DLC1: variants seen among roughly 807,000 people sequenced by gnomAD.
The protein encoded by DLC1 is rho GTPase-activating protein 7.
Under a neutral mutation model 140.3 loss-of-function variants are expected in DLC1, and 54 were observed. The ratio of observed to expected loss-of-function variants is 0.38; its 90% confidence interval spans 0.31 to 0.48. The LOEUF (loss-of-function observed/expected upper bound fraction) is 0.48. Among genes scored for constraint, DLC1 ranks in the 20% least tolerant of loss-of-function variants. The pLI is 0.96. For missense variants in DLC1, 2,536 were observed against 1,907.0 expected, an observed-to-expected ratio of 1.33 and a Z score of -6.14; for synonymous variants, 986 against 728.1, an observed-to-expected ratio of 1.35 and a Z score of -5.70.
At position 13,297,282 on chromosome 8, in the gene DLC1, T is replaced by TAAAAAAAAAAAAAAAAAAAACAAAAC. The variant is rs60048506; in HGVS notation, c.1348+7986_1348+7987insGTTTTGTTTTTTTTTTTTTTTTTTTT. On this transcript the variant is annotated intron_variant, in intron 5 of 17. Transcript: ENST00000276297. ...CAGGCAAGCAGAGGCCTTCATACAT[T>TAAAAAAAAAAAAAAAAAAAACAAAAC]AAAAAAAAAAAAAACTGAAGCAAGT... Among the ~76,000 whole-genome samples, 38 of 9,626 alleles carry TAAAAAAAAAAAAAAAAAAAACAAAAC rather than the reference T, an allele frequency of 3.9e-3. 2 individuals are homozygous for TAAAAAAAAAAAAAAAAAAAACAAAAC. The highest frequency in any genetic ancestry group is 0.013 in the African/African-American group (36 of 2,780). 6.3% of individuals were successfully genotyped at this position (9,626 alleles called of 152,430 possible).
At position 13,500,164 on chromosome 8, in the gene DLC1, C is replaced by T. The variant is rs1407731153; in HGVS notation, c.-93G>A. On this transcript the variant is annotated 5_prime_UTR_variant, in exon 2 of 18. Transcript: ENST00000276297. ...GAAAGATTATTTCAAAATCACCAAT[C>T]AAAGAAGCGAATGAGTTCTGTCATT... The T allele has an allele frequency of 1.7e-5, 20 of 1,185,658 alleles. No individual in the cohort carries two copies. In the East Asian group the frequency reaches 2.6e-4, roughly 15 times the overall value. 73.4% of individuals were successfully genotyped at this position (1,185,658 alleles called of 1,614,324 possible). A position where few individuals can be genotyped will look rare whatever the true frequency, so the allele number is the denominator to read the frequency against.
chr8:13,555,392 C>T (rs1176759516), intron 1 of DLC1, among the ~76,000 whole-genome samples: 1 of 152,094 alleles, frequency 6.6e-6, no homozygotes. Context: ...ATAGCCATAG[C>T]AACTTCAGGA....
intron 2 of DLC1, among the ~76,000 whole-genome samples, chr8:13,459,111 T>C (rs992512683): frequency 6.6e-6 from 1 of 152,244 alleles, no homozygotes; most frequent in African/African-American, 2.4e-5. Flanking sequence ...TTTGATTTTC[T>C]AAAAGCAGCA....
chr8:13,250,791 G>A (rs1018100684), intron 5 of DLC1, among the ~76,000 whole-genome samples: 3 of 152,124 alleles, frequency 2.0e-5, no homozygotes, highest in South Asian at 2.1e-4. Context: ...AAAAAATAAA[G>A]TACTTACTTT....
At chr8:13,562,810 A>G (rs1003998247) in intron 1 of DLC1, among the ~76,000 whole-genome samples, 1 of 152,194 alleles carries the variant, frequency 6.6e-6, no homozygotes, top group African/African-American at 2.4e-5. Flanking sequence ...AAAATACATT[A>G]CATTTCTACA....
intron 5 of DLC1, among the ~76,000 whole-genome samples, chr8:13,296,091 G>T (rs1456152342): frequency 6.6e-6 from 1 of 151,514 alleles, no homozygotes; most frequent in Non-Finnish European, 1.5e-5. Context: ...GAGTAGCTGG[G>T]ATCATAGGCA....
At chr8:13,476,551 G>A (rs1800443561) in intron 2 of DLC1, among the ~76,000 whole-genome samples, 1 of 151,994 alleles carries the variant, frequency 6.6e-6, no homozygotes. Flanking sequence ...GGGACGTGGG[G>A]AGCTAACCAG....
intron 5 of DLC1, among the ~76,000 whole-genome samples, chr8:13,278,303 C>G (rs900177269): frequency 2.0e-5 from 3 of 152,138 alleles, no homozygotes; most frequent in African/African-American, 7.2e-5. Flanking sequence ...AACAATGTCC[C>G]CAGAGTTTGT....
At chr8:13,141,859 C>T (rs886859495) in intron 5 of DLC1, among the ~76,000 whole-genome samples, 6 of 152,084 alleles carry the variant, frequency 3.9e-5, no homozygotes, top group East Asian at 1.9e-4. Flanking sequence ...TGCAAGGCAA[C>T]GAATTACACA....
chr8:13,566,109 C>A (rs919112471), intron 1 of DLC1, among the ~76,000 whole-genome samples: 3 of 152,096 alleles, frequency 2.0e-5, no homozygotes, highest in Non-Finnish European at 4.4e-5. Flanking sequence ...ATGATTTCTG[C>A]CTTCAGCCTT....
Position 13,098,470 on chromosome 8 carries a change from C to T in DLC1, c.3096G>A (p.Gln1032=). 1 of 1,614,176 alleles carries T rather than the reference C, an allele frequency of 6.2e-7. No homozygotes were observed. The highest frequency in any genetic ancestry group is 8.5e-7 in the Non-Finnish European group (1 of 1,180,024). ...CQSVAQMNLL[Q]KYSLLKLTAL... ...CCGTTAGCTTTAGGAGTGAGTATTT[C>T]TGCAGCAGGTTCATCTGGGCCACAG... Residue 1032 remains glutamine (Q), a synonymous_variant, in exon 10 of 18, where the codon CAG becomes CAA. Coordinates refer to ENST00000276297, the MANE Select transcript of DLC1 (RefSeq NM_182643.3).
At chr8:13,125,278 A>C (rs189407988) in intron 5 of DLC1, among the ~76,000 whole-genome samples, 94 of 152,272 alleles carry the variant, frequency 6.2e-4, no homozygotes, top group Non-Finnish European at 1.0e-3. Flanking sequence ...AACCTGGCCT[A>C]ATTTGCTTTT....
At chr8:13,251,930 C>T (rs904062194) in intron 5 of DLC1, among the ~76,000 whole-genome samples, 4 of 152,054 alleles carry the variant, frequency 2.6e-5, no homozygotes, top group Non-Finnish European at 4.4e-5. Flanking sequence ...TAATAATATA[C>T]ATTTTTATAA....
chr8:13,476,590 C>T (rs1800445664), intron 2 of DLC1, among the ~76,000 whole-genome samples: 2 of 151,844 alleles, frequency 1.3e-5, no homozygotes, highest in African/African-American at 2.4e-5. Flanking sequence ...AGACTCAGAC[C>T]AGAGTGGTCC....
Position 13,090,467 on chromosome 8 carries a change from G to C in DLC1, c.3859C>G (p.Pro1287Ala). ...IAECKKLFQV[P>A]EEMSRCRNSY... ...TTACGACATCGGCTCATTTCCTCGG[G>C]AACCTGTGCGGAACATGACAGACAG... is the stretch of plus-strand genomic sequence containing the variant. Residue 1287 changes from proline (P) to alanine (A), a missense_variant, in exon 15 of 18, where the codon CCC becomes GCC. By Grantham distance (27) the Pro-to-Ala change is conservative. Coordinates refer to ENST00000276297, the MANE Select transcript of DLC1 (RefSeq NM_182643.3). 1.9e-6 allele frequency: 3 copies of C among 1,613,752 alleles called. No homozygotes were observed. The highest frequency in any genetic ancestry group is 1.7e-6 in the Non-Finnish European group (2 of 1,180,020).
chr8:13,565,836 T>C (rs1804409735), intron 1 of DLC1, among the ~76,000 whole-genome samples: 2 of 152,168 alleles, frequency 1.3e-5, no homozygotes, highest in Non-Finnish European at 2.9e-5. Flanking sequence ...TTATAATTTC[T>C]CACGATAATT....
intron 1 of DLC1, among the ~76,000 whole-genome samples, chr8:13,587,606 T>TATATATATATATATATACATTGC (rs1805374451): frequency 5.7e-4 from 14 of 24,740 alleles, no homozygotes; most frequent in Admixed American, 2.2e-3. Flanking sequence ...ACATTGCATA[T>TATATATATATATATATACATTGC]ATATATATAT....
chr8:13,561,567 G>T (rs2117382392), intron 1 of DLC1, among the ~76,000 whole-genome samples: 1 of 152,150 alleles, frequency 6.6e-6, no homozygotes, highest in African/African-American at 2.4e-5. Context: ...AACATAGATG[G>T]CAAATTTATT....
At chr8:13,454,974 GT>G (rs1039515576) in intron 2 of DLC1, among the ~76,000 whole-genome samples, 5 of 151,326 alleles carry the variant, frequency 3.3e-5, no homozygotes, top group East Asian at 1.9e-4. Context: ...CTGAGATCTA[GT>G]TTTTTTTTGT....
Sources: gnomAD v4.1 joint callset for allele counts (sites outside exome capture counted in the v4.1 genomes callset) on GRCh38, gnomAD v4.1.1 for gene constraint, MANE v1.5 for transcripts, NCBI Gene and HGNC (gene_info 2026-07-23, HGNC 2026-07-21) for gene names.